The following DNER variants were observed in gnomAD, a reference collection of about 807,000 sequenced individuals.
The protein encoded by DNER is delta/notch like EGF repeat containing, also known as delta and Notch-like epidermal growth factor-related receptor.
A neutral mutation model predicts 78.2 loss-of-function variants in DNER; 33 were observed. That is an observed-to-expected ratio of 0.42 (90% CI 0.32 to 0.56). The LOEUF (loss-of-function observed/expected upper bound fraction) is 0.56. DNER is among the 20% of genes least tolerant of loss of function. The pLI, the probability that DNER is intolerant of heterozygous loss-of-function variation, is 0.11. For missense variants in DNER, 918 were observed against 975.3 expected, an observed-to-expected ratio of 0.94 and a Z score of 0.78; for synonymous variants, 417 against 384.8, an observed-to-expected ratio of 1.08 and a Z score of -0.98.
chr2:229,636,746 T>C (rs568998873), intron 1 of DNER, among the ~76,000 whole-genome samples: 5 of 152,228 alleles, frequency 3.3e-5, no homozygotes, highest in South Asian at 2.1e-4. Context: ...TTTACCAGAC[T>C]CCTTTGCAGT....
intron 8 of DNER, among the ~76,000 whole-genome samples, chr2:229,428,841 GC>G (rs748908075): frequency 7.9e-5 from 12 of 152,196 alleles, no homozygotes; most frequent in Admixed American, 3.3e-4. Context: ...AAAAGAGAGA[GC>G]AGGATCAGGG....
chr2:229,653,220 C>A (rs530349551), intron 1 of DNER, among the ~76,000 whole-genome samples: 55 of 152,334 alleles, frequency 3.6e-4, no homozygotes, highest in Admixed American at 2.2e-3. Flanking sequence ...CCATTTCTGG[C>A]TTTGGGAGGC....
At chr2:229,706,288 T>C (rs757396358) in intron 1 of DNER, among the ~76,000 whole-genome samples, 9 of 151,970 alleles carry the variant, frequency 5.9e-5, no homozygotes, top group Non-Finnish European at 1.2e-4. Flanking sequence ...CAGTGGCTCA[T>C]GCCTGTAATT....
chr2:229,417,368 A>T (rs897344207), intron 9 of DNER, among the ~76,000 whole-genome samples: 1 of 152,086 alleles, frequency 6.6e-6, no homozygotes, highest in African/African-American at 2.4e-5. Flanking sequence ...CAAAATCTAA[A>T]CCCGGCCCCG....
intron 5 of DNER, among the ~76,000 whole-genome samples, chr2:229,535,127 C>T (rs565085143): frequency 3.1e-4 from 47 of 152,304 alleles, no homozygotes; most frequent in South Asian, 2.9e-3. Context: ...TGAGCCACCA[C>T]GCCTGGCTGT....
intron 1 of DNER, among the ~76,000 whole-genome samples, chr2:229,703,352 A>AT (rs2154217717): frequency 6.6e-6 from 1 of 152,366 alleles, no homozygotes; most frequent in East Asian, 1.9e-4. Flanking sequence ...GCAAAAAAAA[A>AT]GAACGAAAAC....
At chr2:229,586,806 C>G (rs1198855164) in intron 3 of DNER, 1 of 985,858 alleles carries the variant, frequency 1.0e-6, no homozygotes, top group Non-Finnish European at 1.2e-6. Flanking sequence ...CCCATTCTCC[C>G]CAGTGCTCCT....
chr2:229,575,543 G>A (rs2154214146), intron 4 of DNER, among the ~76,000 whole-genome samples: 1 of 152,246 alleles, frequency 6.6e-6, no homozygotes, highest in African/African-American at 2.4e-5. Context: ...CAGGTCCATT[G>A]GGGGGACCAG....
At chr2:229,505,820 T>C (rs1695731513) in intron 6 of DNER, among the ~76,000 whole-genome samples, 1 of 152,324 alleles carries the variant, frequency 6.6e-6, no homozygotes, top group East Asian at 1.9e-4. Context: ...CTGTGACCAA[T>C]GCACAAAGGC....
chr2:229,563,642 ACAT>A lies in DNER; in HGVS notation c.848-16553_848-16551del, dbSNP rs754601668. On this transcript the variant is annotated intron_variant, in intron 4 of 12. Transcript: ENST00000341772. The stretch of plus-strand genomic sequence containing the variant: ...CATCACCCCATCACCAACATCATCA[ACAT>A]CATCATCACCCCATCACCATCATCA... 6.5e-4 allele frequency among the ~76,000 whole-genome samples: 50 copies of A among 76,388 alleles called. No homozygotes were observed. The East Asian group carries it at 0.021, about 32-fold the overall frequency. 50.1% of individuals were successfully genotyped at this position (76,388 alleles called of 152,430 possible).
Position 229,684,169 on chromosome 2 carries a change from A to AGTGTGTGT in DNER, c.276+29971_276+29978dup, listed in dbSNP as rs59016911. ...GTGAGAGAGAGAGAGAGAGAGAGAG[A>AGTGTGTGT]GTGTGTGTGTGTGTGTGTGTGTGTG... On this transcript the variant is annotated intron_variant, in intron 1 of 12. Coordinates refer to ENST00000341772, the MANE Select transcript of DNER (RefSeq NM_139072.4). Among the ~76,000 whole-genome samples, 186 of 94,614 alleles carry AGTGTGTGT rather than the reference A, an allele frequency of 2.0e-3. 2 individuals are homozygous for AGTGTGTGT. Among genetic ancestry groups the AGTGTGTGT allele is most frequent in the Non-Finnish European group, 2.3e-3 (112 of 48,964 alleles). The allele number at this position is 94,614 out of a possible 152,430, so 62.1% of individuals were successfully genotyped here.
intron 5 of DNER, among the ~76,000 whole-genome samples, chr2:229,515,655 T>TTTTTTTTTTTTTTTTTTTTTTTTC: frequency 6.7e-6 from 1 of 150,126 alleles, no homozygotes. Flanking sequence ...TTATTTTTTT[T>TTTTTTTTTTTTTTTTTTTTTTTTC]TTTTTGAGAC....
chr2:229,360,839 G>A (rs11884730), intron 12 of DNER, among the ~76,000 whole-genome samples: 59,520 of 152,052 alleles, frequency 0.39, 12,532 homozygotes, highest in Non-Finnish European at 0.46. Flanking sequence ...TGTGTGGCCC[G>A]GTCCTAATGG....
At chr2:229,377,453 C>T (rs1292687904) in intron 11 of DNER, among the ~76,000 whole-genome samples, 1 of 152,116 alleles carries the variant, frequency 6.6e-6, no homozygotes, top group African/African-American at 2.4e-5. Context: ...GGCATATTTT[C>T]CTTTTATTAT....
Position 229,467,819 on chromosome 2 carries a change from G to A in DNER, c.1261+9321C>T, listed in dbSNP as rs73103730. On this transcript the variant is annotated intron_variant, in intron 7 of 12. Transcript: ENST00000341772. ...AAACAGATCCTCCCACAAAACAGCT[G>A]TTAAATCTGACAAGAAAAAAAATAA... Among the ~76,000 whole-genome samples the A allele has an allele frequency of 4.9e-3, 751 of 152,282 alleles. 8 individuals are homozygous for A. The highest frequency in any genetic ancestry group is 0.017 in the African/African-American group (719 of 41,550).
At chr2:229,714,077 A>G in intron 1 of DNER, 71 bp downstream of exon 1, 2 of 1,225,664 alleles carry the variant, frequency 1.6e-6, no homozygotes, top group Non-Finnish European at 1.0e-6. Context: ...GGGCAGCAGC[A>G]GCAGGGCCGG....
At chr2:229,361,966 C>T (rs1222866319) in intron 12 of DNER, among the ~76,000 whole-genome samples, 9 of 152,150 alleles carry the variant, frequency 5.9e-5, no homozygotes, top group Non-Finnish European at 1.0e-4. Flanking sequence ...CCTGAAGTAG[C>T]TCATGGCCCA....
At chr2:229,499,677 T>C (rs895951464) in intron 6 of DNER, among the ~76,000 whole-genome samples, 20 of 150,596 alleles carry the variant, frequency 1.3e-4, no homozygotes, top group African/African-American at 3.7e-4. Context: ...TTTTTGCATA[T>C]AACCCCAAAA....
intron 1 of DNER, among the ~76,000 whole-genome samples, chr2:229,659,252 T>A (rs1018612400): frequency 6.6e-6 from 1 of 152,140 alleles, no homozygotes; most frequent in African/African-American, 2.4e-5. Flanking sequence ...GGAACTCAGT[T>A]TTTTAGCTAT....
Sources: allele counts gnomAD v4.1 joint callset (sites outside exome capture counted in the v4.1 genomes callset), GRCh38; gene constraint gnomAD v4.1.1; transcripts MANE v1.5; gene names NCBI Gene and HGNC (gene_info 2026-07-23, HGNC 2026-07-21).